The following TRIM29 variants were observed in gnomAD, a reference collection of about 807,000 sequenced individuals.
The protein encoded by TRIM29 is tripartite motif-containing protein 29.
Under a neutral mutation model 57.3 loss-of-function variants are expected in TRIM29, and 52 were observed. The ratio of observed to expected loss-of-function variants is 0.91; its 90% confidence interval spans 0.73 to 1.14. The LOEUF is 1.14. TRIM29 is among the 50% of genes most tolerant of loss of function. The pLI, the probability that TRIM29 is intolerant of heterozygous loss-of-function variation, is 0.00. For synonymous variants in TRIM29, 319 were observed against 316.9 expected (o/e 1.01, Z -0.07); for missense variants, 753 against 774.6 (o/e 0.97, Z 0.33).
chr11:120,125,760 GCATGCATA>G lies in TRIM29; in HGVS notation c.1256_1263del (p.Val419AlafsTer4). ...GCCTTGCACATCTTCTCAACGTGGC[GCATGCATA>G]CATTGAGCAGGTCGTCCTTGAAGTT... On this transcript the variant is annotated frameshift_variant, in exon 4 of 9. Transcript: ENST00000341846. LOFTEE classifies it high-confidence loss of function. 6.2e-7 allele frequency: 1 copy of G among 1,614,142 alleles called. No individual in the cohort carries two copies. The highest frequency in any genetic ancestry group is 1.1e-5 in the South Asian group (1 of 91,062).
chr11:120,130,444 C>T (rs1042893418), intron 1 of TRIM29, among the ~76,000 whole-genome samples: 1 of 152,212 alleles, frequency 6.6e-6, no homozygotes, highest in Non-Finnish European at 1.5e-5. Flanking sequence ...CAGGGCCCAG[C>T]GCTGGTAAAA....
At chr11:120,120,344 T>TACACACAC (rs71050727) in intron 6 of TRIM29, among the ~76,000 whole-genome samples, 53 of 138,240 alleles carry the variant, frequency 3.8e-4, no homozygotes, top group African/African-American at 8.3e-4. Flanking sequence ...CCCACACATG[T>TACACACAC]ACACACACAC....
chr11:120,117,235 C>T, intron 7 of TRIM29: 1 of 220,458 alleles, frequency 4.5e-6, no homozygotes, highest in Non-Finnish European at 9.2e-6. Flanking sequence ...AGAAGCCAAA[C>T]AGGCCAAGGC....
chr11:120,137,360 C>T lies in TRIM29; in HGVS notation c.672G>A (p.Lys224=), dbSNP rs1863840545. The T allele has an allele frequency of 1.2e-6, 2 of 1,613,914 alleles. No individual in the cohort carries two copies. The highest frequency in any genetic ancestry group is 1.7e-5 in the Admixed American group (1 of 60,024). The change falls in exon 1 of 9, where the codon AAG becomes AAA. Residue 224 remains lysine, a synonymous_variant. Transcript: ENST00000341846. This position sits in a 1 kb window ranked among gnomAD's most constrained non-coding sequence, Gnocchi z 6.2. ...CCATCGTCTTGCCATGCACGGGACA[C>T]TTGCGGGCCTCAAAGTCCCGGATGG... is the stretch of plus-strand genomic sequence containing the variant. ...LEPIRDFEAR[K]CPVHGKTMEL...
At chr11:120,136,541 C>G (rs148519339) in intron 1 of TRIM29, among the ~76,000 whole-genome samples, 5 of 152,330 alleles carry the variant, frequency 3.3e-5, no homozygotes, top group Admixed American at 2.6e-4. Context: ...TGTCCACACA[C>G]AACCACACAC....
rs938789600 is a variant in TRIM29 at position 120,116,774 on chromosome 11, G to A, written c.1628-1360C>T. The A allele has an allele frequency of 2.1e-4, 40 of 194,548 alleles. No individual in the cohort carries two copies. The East Asian group carries it at 6.1e-3, about 30-fold the overall frequency. The allele number at this position is 194,548 out of a possible 1,614,324, so 12.1% of individuals were successfully genotyped here. On this transcript the variant is annotated intron_variant, in intron 7 of 8. Transcript: ENST00000341846. ...GGGGTCAGGGTGGCCCAAGACACCC[G>A]CCTTGTGCAGCAGGCAGAAGTCCAG...
chr11:120,122,842 C>T (rs1409488978), intron 5 of TRIM29, 112 bp downstream of exon 5: 4 of 791,268 alleles, frequency 5.1e-6, no homozygotes, highest in Admixed American at 4.3e-5. Context: ...GCAAACTGGA[C>T]ATGCCATCAC....
intron 5 of TRIM29, chr11:120,121,891 T>G: frequency 9.3e-6 from 4 of 429,824 alleles, no homozygotes; most frequent in Non-Finnish European, 1.9e-5. Context: ...CAGGTAGGGG[T>G]TCTGAGGAGA....
chr11:120,135,643 G>A (rs533499429), intron 1 of TRIM29, among the ~76,000 whole-genome samples: 3 of 152,288 alleles, frequency 2.0e-5, no homozygotes, highest in Admixed American at 1.3e-4. Flanking sequence ...GAAGATGGGG[G>A]AAGCTGGAAA....
At chr11:120,113,125 G>C (rs896659814) in intron 8 of TRIM29, among the ~76,000 whole-genome samples, 39 of 152,006 alleles carry the variant, frequency 2.6e-4, no homozygotes, top group African/African-American at 8.2e-4. Context: ...TTACAGAAAG[G>C]GTGCAGAGAG....
chr11:120,131,699 C>A (rs1427043257), intron 1 of TRIM29, among the ~76,000 whole-genome samples: 1 of 151,284 alleles, frequency 6.6e-6, no homozygotes, highest in Non-Finnish European at 1.5e-5. Context: ...TGGGATGAGT[C>A]CTACCCTGTC....
chr11:120,132,740 T>C (rs1490582334), intron 1 of TRIM29, among the ~76,000 whole-genome samples: 3 of 152,234 alleles, frequency 2.0e-5, no homozygotes, highest in Non-Finnish European at 4.4e-5. Context: ...AGCCAGTTAA[T>C]TGCCAAATTT....
Position 120,118,232 on chromosome 11 carries a change from A to G in TRIM29, c.1618T>C (p.Ser540Pro). ...GGGTGGGCAAGCTCACCTTTCAGGG[A>G]GAAGGAGGAGCTGCCTTGGACGACG... The part of the protein sequence containing the change: ...LPVVQGSSSF[S>P]LKGYPSLMRS... The change falls in exon 7 of 9, where the codon TCC (serine) becomes CCC (proline). Residue 540 changes from serine (S) to proline (P), a missense_variant. Transcript: ENST00000341846. 1 of 1,613,958 alleles carries G rather than the reference A, an allele frequency of 6.2e-7. No individual in the cohort carries two copies. Among genetic ancestry groups the G allele is most frequent in the Non-Finnish European group, 8.5e-7 (1 of 1,179,934 alleles).
At chr11:120,127,211 T>C in intron 3 of TRIM29, 125 bp downstream of exon 3, 1 of 758,902 alleles carries the variant, frequency 1.3e-6, no homozygotes, top group Non-Finnish European at 2.1e-6. Context: ...GATGGCTGGA[T>C]GGTGGATGAA....
At chr11:120,121,089 G>A (rs1328671147) in intron 5 of TRIM29, among the ~76,000 whole-genome samples, 1 of 152,144 alleles carries the variant, frequency 6.6e-6, no homozygotes, top group Non-Finnish European at 1.5e-5. Context: ...GCCTTGTGAG[G>A]AAGCAGTGGG....
chr11:120,128,668 T>A, intron 1 of TRIM29, 173 bp from the exon 2 acceptor site: 2 of 1,534,230 alleles, frequency 1.3e-6, no homozygotes, highest in Admixed American at 2.0e-5. Context: ...CCAGGCACCA[T>A]GCCAGTCGCC....
intron 8 of TRIM29, chr11:120,113,422 G>GT (rs993343667): frequency 2.6e-5 from 8 of 312,656 alleles, no homozygotes; most frequent in African/African-American, 1.5e-4. Context: ...AGCACCATCA[G>GT]CCCCCGGGGG....
rs1347484071 is a variant in TRIM29, at chr11:120,125,564, AGGGTGGGT to A, written c.1333+119_1333+126del. The A allele has an allele frequency of 7.2e-6, 6 of 828,334 alleles. No homozygotes were observed. In the East Asian group the frequency reaches 9.1e-5, roughly 13 times the overall value. The allele number at this position is 828,334 out of a possible 1,614,324, so 51.3% of individuals were successfully genotyped here. A position where few individuals can be genotyped will look rare whatever the true frequency, so the allele number is the denominator to read the frequency against. On this transcript the variant is annotated intron_variant, in intron 4 of 8. Coordinates refer to ENST00000341846, the MANE Select transcript of TRIM29 (RefSeq NM_012101.4). ...TATCCTAGTCCAAACGGCCTGAGGA[AGGGTGGGT>A]GGGTGGGTGGGAACAATGAGAAGAA... is the stretch of plus-strand genomic sequence containing the variant.
At chr11:120,122,901 G>A (rs1397778011) in intron 5 of TRIM29, 53 bp downstream of exon 5, 2 of 1,515,016 alleles carry the variant, frequency 1.3e-6, no homozygotes, top group Non-Finnish European at 1.8e-6. Flanking sequence ...GACTTTGGGG[G>A]CCCCTGGGCA....
Sources: gnomAD v4.1 joint callset for allele counts (sites outside exome capture counted in the v4.1 genomes callset) on GRCh38, gnomAD v4.1.1 for gene constraint, Gnocchi (gnomAD v3.1) non-coding constraint, MANE v1.5 for transcripts, NCBI Gene and HGNC (gene_info 2026-07-23, HGNC 2026-07-21) for gene names.